CSMD1: variants seen among roughly 807,000 people sequenced by gnomAD.
CSMD1 encodes the protein CUB and Sushi multiple domains 1.
A neutral mutation model predicts 417.5 loss-of-function variants in CSMD1; 213 were observed. That is an observed-to-expected ratio of 0.51 (90% CI 0.46 to 0.57). The LOEUF is 0.57. CSMD1 is among the 20% of genes least tolerant of loss of function. The pLI is 0.00. For synonymous variants in CSMD1, 2,862 were observed against 1,736.8 expected (o/e 1.65, Z -16.11); for missense variants, 6,923 against 4,529.7 (o/e 1.53, Z -15.17).
rs76153351 is a variant in CSMD1, at chr8:4,016,480, C to A, written c.610+15425G>T. Among the ~76,000 whole-genome samples, 1,036 of 152,204 alleles carry A rather than the reference C, an allele frequency of 6.8e-3. 57 individuals carry two copies. The East Asian group carries it at 0.13, about 20-fold the overall frequency. On this transcript the variant is annotated intron_variant, in intron 4 of 69. Transcript: ENST00000635120. ...GGTCTCAGGCCTCTGCCCAAGAATG[C>A]AAGCTTCCTGGAGGACAAGGAGGTC... is the stretch of plus-strand genomic sequence containing the variant.
At chr8:4,842,866 G>A (rs7001502) in intron 1 of CSMD1, among the ~76,000 whole-genome samples, 10 of 152,110 alleles carry the variant, frequency 6.6e-5, no homozygotes, top group Admixed American at 3.9e-4. Flanking sequence ...AACGCTTAAA[G>A]GCTTATCAAT....
chr8:4,733,836 C>T lies in CSMD1; in HGVS notation c.86-96278G>A, dbSNP rs368762856. ...GGAAAACTGCCTTATTTTATTATCA[C>T]TGACCATTACAAGAAGTCAATTTAT... On this transcript the variant is annotated intron_variant, in intron 1 of 69. Transcript: ENST00000635120. Among the ~76,000 whole-genome samples the T allele has an allele frequency of 2.0e-5, 3 of 152,170 alleles. No homozygotes were observed. The East Asian group carries it at 5.8e-4, about 29-fold the overall frequency.
intron 3 of CSMD1, among the ~76,000 whole-genome samples, chr8:4,395,884 T>A (rs116413645): frequency 7.9e-5 from 12 of 152,248 alleles, no homozygotes; most frequent in African/African-American, 2.9e-4. Flanking sequence ...CGGTAGTGTA[T>A]CTAGAAACAC....
At chr8:3,491,062 G>C (rs557829687) in intron 11 of CSMD1, among the ~76,000 whole-genome samples, 1 of 152,052 alleles carries the variant, frequency 6.6e-6, no homozygotes, top group Non-Finnish European at 1.5e-5. Flanking sequence ...GTTCCTGAAG[G>C]TATAGCAAAA....
intron 3 of CSMD1, among the ~76,000 whole-genome samples, chr8:4,279,402 C>G (rs528755518): frequency 1.3e-5 from 2 of 152,296 alleles, no homozygotes; most frequent in East Asian, 1.9e-4. Flanking sequence ...TTCTGAATCA[C>G]CATTAAATGT....
At chr8:3,144,020 G>A (rs1818677700) in intron 40 of CSMD1, among the ~76,000 whole-genome samples, 2 of 152,216 alleles carry the variant, frequency 1.3e-5, no homozygotes, top group Admixed American at 1.3e-4. Flanking sequence ...TAATTATGGA[G>A]AAACTTGGCA....
intron 2 of CSMD1, among the ~76,000 whole-genome samples, chr8:4,500,522 T>C (rs1802208180): frequency 6.6e-6 from 1 of 152,062 alleles, no homozygotes; most frequent in Non-Finnish European, 1.5e-5. Flanking sequence ...GCATTTAAGA[T>C]GAAGGAATCT....
chr8:4,903,370 T>C (rs112850664), intron 1 of CSMD1, among the ~76,000 whole-genome samples: 17 of 152,352 alleles, frequency 1.1e-4, no homozygotes, highest in Middle Eastern at 6.8e-3. Context: ...CCTGTGGTTT[T>C]AATTCAGGAA....
rs932353229 is a variant in CSMD1, at chr8:3,950,244, G to A, written c.818+47659C>T. ...CATCATGCAGTGGAAGAATTATGAT[G>A]ATGAATTAGTAGTTTGATACTTAAA... On this transcript the variant is annotated intron_variant, in intron 5 of 69. Transcript: ENST00000635120. Among the ~76,000 whole-genome samples, 19 of 152,274 alleles carry A rather than the reference G, an allele frequency of 1.2e-4. 1 individual carries two copies. The highest frequency in any genetic ancestry group is 4.1e-4 in the South Asian group (2 of 4,822).
At chr8:4,904,040 C>A (rs1328564296) in intron 1 of CSMD1, among the ~76,000 whole-genome samples, 5 of 151,928 alleles carry the variant, frequency 3.3e-5, no homozygotes, top group Non-Finnish European at 5.9e-5. Context: ...TTTTGGAGGA[C>A]TGGCATTAGT....
intron 2 of CSMD1, among the ~76,000 whole-genome samples, chr8:4,458,962 A>G (rs1484808939): frequency 6.6e-6 from 1 of 152,212 alleles, no homozygotes; most frequent in Non-Finnish European, 1.5e-5. Flanking sequence ...ACGAGGAAAC[A>G]TCTAACCAAG....
At chr8:3,064,504 C>T (rs923914770) in intron 49 of CSMD1, among the ~76,000 whole-genome samples, 1 of 152,148 alleles carries the variant, frequency 6.6e-6, no homozygotes, top group African/African-American at 2.4e-5. Flanking sequence ...GTCAATTAGG[C>T]CTCTTTTCTT....
intron 57 of CSMD1, 42 bp downstream of exon 57, chr8:2,973,075 T>C: frequency 1.3e-6 from 2 of 1,590,596 alleles, no homozygotes; most frequent in Non-Finnish European, 1.7e-6. Flanking sequence ...AGCTGTGTGG[T>C]TTTAACTTTC....
intron 1 of CSMD1, among the ~76,000 whole-genome samples, chr8:4,963,574 G>C (rs892026731): frequency 2.0e-5 from 3 of 152,092 alleles, no homozygotes; most frequent in Non-Finnish European, 2.9e-5. Flanking sequence ...ATTGGTCTTT[G>C]TGTGTTTATA....
chr8:4,957,865 G>A (rs1233290298), intron 1 of CSMD1, among the ~76,000 whole-genome samples: 1 of 152,148 alleles, frequency 6.6e-6, no homozygotes, highest in African/African-American at 2.4e-5. Context: ...CACTCTGCCA[G>A]CCCCTGCAAT....
At chr8:3,534,347 C>G (rs1287374572) in intron 10 of CSMD1, among the ~76,000 whole-genome samples, 1 of 152,062 alleles carries the variant, frequency 6.6e-6, no homozygotes, top group Non-Finnish European at 1.5e-5. Flanking sequence ...CCACACTCCT[C>G]TCAGTTCTCT....
At position 4,172,719 on chromosome 8, in the gene CSMD1, C is replaced by T. The variant is rs149745108; in HGVS notation, c.416-140620G>A. ...GAATATTGCAAAAGTGACAGGATAT[C>T]ACTTGACATTAGGTTGTAAAAAGAC... On this transcript the variant is annotated intron_variant, in intron 3 of 69. Transcript: ENST00000635120. Among the ~76,000 whole-genome samples, 116 of 152,246 alleles carry T rather than the reference C, an allele frequency of 7.6e-4. 1 individual carries two copies. The East Asian group carries it at 0.011, about 14-fold the overall frequency.
chr8:3,411,061 GC>G (rs2116919833), intron 12 of CSMD1, among the ~76,000 whole-genome samples: 1 of 152,250 alleles, frequency 6.6e-6, no homozygotes, highest in South Asian at 2.1e-4. Flanking sequence ...CAGAAGGGAG[GC>G]CCTGCCTGTT....
At chr8:4,929,671 C>A (rs531076759) in intron 1 of CSMD1, among the ~76,000 whole-genome samples, 1 of 152,246 alleles carries the variant, frequency 6.6e-6, no homozygotes, top group East Asian at 1.9e-4. Context: ...TACACATCTC[C>A]CAGAAAACTT....
Sources: gnomAD v4.1 joint callset for allele counts (sites outside exome capture counted in the v4.1 genomes callset) on GRCh38, gnomAD v4.1.1 for gene constraint, MANE v1.5 for transcripts, NCBI Gene and HGNC (gene_info 2026-07-23, HGNC 2026-07-21) for gene names.